The following PTPRO variants were observed in gnomAD, a reference collection of about 807,000 sequenced individuals.
The protein encoded by PTPRO is receptor-type tyrosine-protein phosphatase O.
A neutral mutation model predicts 145.2 loss-of-function variants in PTPRO; 62 were observed. That is an observed-to-expected ratio of 0.43 (90% CI 0.35 to 0.53). The LOEUF (loss-of-function observed/expected upper bound fraction) is 0.53, where lower values mean the gene tolerates loss of function less well. Among genes scored for constraint, PTPRO ranks in the 20% least tolerant of loss-of-function variants. PTPRO has a pLI of 0.01. For synonymous variants in PTPRO, 565 were observed against 514.7 expected, an observed-to-expected ratio of 1.10 and a Z score of -1.32; for missense variants, 1,345 against 1,482.7, an observed-to-expected ratio of 0.91 and a Z score of 1.53.
intron 26 of PTPRO, chr12:15,595,843 CAA>C (rs1258305547): frequency 6.6e-6 from 1 of 152,190 alleles, no homozygotes; most frequent in Non-Finnish European, 1.5e-5. Flanking sequence ...CTACATCCAT[CAA>C]GAGAGACAGA....
Position 15,484,118 on chromosome 12 carries a change from T to C in PTPRO, c.220T>C (p.Phe74Leu). 1.2e-6 allele frequency: 2 copies of C among 1,613,880 alleles called. No homozygotes were observed. The highest frequency in any genetic ancestry group is 1.7e-6 in the Non-Finnish European group (2 of 1,179,832). Residue 74 changes from phenylalanine (F) to leucine (L), a missense_variant, in exon 2 of 27, where the codon TTC becomes CTC. Phe to Leu is a conservative substitution (Grantham distance 22, BLOSUM62 0). Transcript: ENST00000281171. ...AAATTATTTCTTCGAATTTGAGGAA[T>C]TCAACAGCACTTTGCCTCCTCCTGT... ...SKNYFFEFEE[F>L]NSTLPPPVIF...
chr12:15,525,525 C>T (rs1044935446), intron 11 of PTPRO, among the ~76,000 whole-genome samples: 1 of 152,180 alleles, frequency 6.6e-6, no homozygotes, highest in Non-Finnish European at 1.5e-5. Flanking sequence ...GTTCCATCTG[C>T]CACTATGCAT....
intron 21 of PTPRO, among the ~76,000 whole-genome samples, 158 bp from the exon 22 acceptor site, chr12:15,580,539 A>G (rs1170777118): frequency 6.6e-6 from 1 of 152,270 alleles, no homozygotes; most frequent in Non-Finnish European, 1.5e-5. Context: ...TTATTCTGAT[A>G]GCCTCTTTGA....
At chr12:15,386,531 G>A (rs1258280329) in intron 1 of PTPRO, among the ~76,000 whole-genome samples, 1 of 152,116 alleles carries the variant, frequency 6.6e-6, no homozygotes, top group African/African-American at 2.4e-5. Flanking sequence ...GTATGCATGT[G>A]TGTATCATGT....
At position 15,593,765 on chromosome 12, in the gene PTPRO, C is replaced by G. The variant is rs75590604; in HGVS notation, c.3547-1172C>G. ...ATTAGCACTTTATTAATTCTACCTC[C>G]ACAAACAATAGGTAAAATGGACTGC... On this transcript the variant is annotated intron_variant, in intron 25 of 26. Coordinates refer to ENST00000281171, the MANE Select transcript of PTPRO (RefSeq NM_030667.3). Among the ~76,000 whole-genome samples the G allele has an allele frequency of 5.3e-5, 8 of 152,246 alleles. No individual in the cohort carries two copies. In the East Asian group the frequency reaches 1.5e-3, roughly 29 times the overall value.
intron 12 of PTPRO, 23 bp downstream of exon 12, chr12:15,526,285 G>T: frequency 5.6e-6 from 9 of 1,612,632 alleles, no homozygotes; most frequent in Non-Finnish European, 6.8e-6. Flanking sequence ...CACAGAGATG[G>T]GTGTGAAATA....
chr12:15,394,287 C>T (rs1209935904), intron 1 of PTPRO, among the ~76,000 whole-genome samples: 1 of 152,020 alleles, frequency 6.6e-6, no homozygotes, highest in Non-Finnish European at 1.5e-5. Flanking sequence ...GGAGATTTAA[C>T]ATAGCTCTGA....
chr12:15,589,639 A>G, intron 25 of PTPRO, 49 bp downstream of exon 25: 1 of 1,602,722 alleles, frequency 6.2e-7, no homozygotes, highest in East Asian at 2.2e-5. Flanking sequence ...GGACTGAAAA[A>G]CTTACCATTA....
rs566182884 is a variant in PTPRO, at chr12:15,425,906, A to G, written c.76-58068A>G. Among the ~76,000 whole-genome samples the G allele has an allele frequency of 1.3e-3, 204 of 152,118 alleles. 2 individuals carry two copies. The highest frequency in any genetic ancestry group is 5.8e-3 in the South Asian group (28 of 4,820). ...TTCTCATTTATTTATAAATTCCTCC[A>G]AATAAATATATACAATTAGTGTCTT... is the stretch of plus-strand genomic sequence containing the variant. On this transcript the variant is annotated intron_variant, in intron 1 of 26. Coordinates refer to ENST00000281171, the MANE Select transcript of PTPRO (RefSeq NM_030667.3).
chr12:15,522,557 C>T (rs1033720589), intron 10 of PTPRO, among the ~76,000 whole-genome samples: 2 of 151,938 alleles, frequency 1.3e-5, no homozygotes, highest in Non-Finnish European at 2.9e-5. Flanking sequence ...ATTTTTTTTA[C>T]CTTCTTATTT....
intron 1 of PTPRO, among the ~76,000 whole-genome samples, chr12:15,440,859 G>A (rs980842394): frequency 1.3e-5 from 2 of 152,108 alleles, no homozygotes; most frequent in Non-Finnish European, 2.9e-5. Context: ...ATCAACTTTG[G>A]AGCAACCAGA....
At chr12:15,401,480 C>T (rs963679046) in intron 1 of PTPRO, among the ~76,000 whole-genome samples, 17 of 152,180 alleles carry the variant, frequency 1.1e-4, no homozygotes, top group Admixed American at 1.0e-3. Context: ...TATACCTGTT[C>T]ATAGGATGTG....
chr12:15,542,840 C>T (rs1032819817), intron 12 of PTPRO, among the ~76,000 whole-genome samples: 1 of 152,120 alleles, frequency 6.6e-6, no homozygotes, highest in African/African-American at 2.4e-5. Flanking sequence ...TTGGACTAGC[C>T]ACATTTCAAG....
chr12:15,538,473 A>G (rs1472666339), intron 12 of PTPRO, among the ~76,000 whole-genome samples: 1 of 152,128 alleles, frequency 6.6e-6, no homozygotes, highest in African/African-American at 2.4e-5. Context: ...TCTGCCCGCA[A>G]GTGCCTCCCA....
At chr12:15,364,240 A>G (rs1938293000) in intron 1 of PTPRO, among the ~76,000 whole-genome samples, 1 of 152,200 alleles carries the variant, frequency 6.6e-6, no homozygotes, top group African/African-American at 2.4e-5. Context: ...AACATGATAC[A>G]TTTACCAGAA....
At chr12:15,341,755 G>T (rs1866995876) in intron 1 of PTPRO, among the ~76,000 whole-genome samples, 1 of 152,142 alleles carries the variant, frequency 6.6e-6, no homozygotes. Flanking sequence ...ATGTGCCTCA[G>T]GTAAGAGAAA....
At chr12:15,536,541 G>C (rs1367412054) in intron 12 of PTPRO, among the ~76,000 whole-genome samples, 1 of 152,204 alleles carries the variant, frequency 6.6e-6, no homozygotes, top group Non-Finnish European at 1.5e-5. Flanking sequence ...CAAGGGAACA[G>C]ACCGTGTAGG....
chr12:15,570,559 A>G (rs1031046661), intron 19 of PTPRO, among the ~76,000 whole-genome samples: 1 of 152,176 alleles, frequency 6.6e-6, no homozygotes, highest in Admixed American at 6.5e-5. Flanking sequence ...AAAATTCCAC[A>G]CAGAGCCTGC....
chr12:15,494,000 T>C (rs2136456654), intron 2 of PTPRO, among the ~76,000 whole-genome samples: 1 of 152,210 alleles, frequency 6.6e-6, no homozygotes, highest in East Asian at 1.9e-4. Flanking sequence ...AAAAACAAGC[T>C]GCAGGATAGT....
Sources: allele counts gnomAD v4.1 joint callset (sites outside exome capture counted in the v4.1 genomes callset), GRCh38; gene constraint gnomAD v4.1.1; transcripts MANE v1.5; gene names NCBI Gene and HGNC (gene_info 2026-07-23, HGNC 2026-07-21).